ANO6: variants seen among roughly 807,000 people sequenced by gnomAD.
ANO6 encodes the protein anoctamin 6.
Under a neutral mutation model 117.5 loss-of-function variants are expected in ANO6, and 106 were observed. The ratio of observed to expected loss-of-function variants is 0.90; its 90% CI spans 0.77 to 1.06. The LOEUF (loss-of-function observed/expected upper bound fraction) is 1.06, where lower values mean the gene tolerates loss of function less well. Among genes scored for constraint, ANO6 ranks in the 50% least tolerant of loss-of-function variants. The pLI, the probability that ANO6 is intolerant of heterozygous loss-of-function variation, is 0.00. For missense variants in ANO6, 955 were observed against 1,121.1 expected, an observed-to-expected ratio of 0.85 and a Z score of 2.12; for synonymous variants, 367 against 385.1, an observed-to-expected ratio of 0.95 and a Z score of 0.55.
chr12:45,423,615 G>C (rs1943420836), intron 19 of ANO6, among the ~76,000 whole-genome samples: 1 of 152,148 alleles, frequency 6.6e-6, no homozygotes, highest in African/African-American at 2.4e-5. Context: ...GCTTAAATAA[G>C]GTTGATTCCC....
chr12:45,269,103 T>G (rs1348637103), intron 1 of ANO6, among the ~76,000 whole-genome samples: 1 of 152,206 alleles, frequency 6.6e-6, no homozygotes, highest in Non-Finnish European at 1.5e-5. Context: ...TCCCAGGCCC[T>G]CCCTTCTTCT....
At chr12:45,253,851 C>G (rs954623821) in intron 1 of ANO6, among the ~76,000 whole-genome samples, 2 of 152,184 alleles carry the variant, frequency 1.3e-5, no homozygotes, top group African/African-American at 2.4e-5. Context: ...TCAGAACTCT[C>G]CATGTAATAA....
At chr12:45,264,268 G>A (rs1938143155) in intron 1 of ANO6, among the ~76,000 whole-genome samples, 1 of 152,200 alleles carries the variant, frequency 6.6e-6, no homozygotes, top group Non-Finnish European at 1.5e-5. Context: ...TTATTCGAGT[G>A]TTGAATACAT....
At position 45,361,516 on chromosome 12, in the gene ANO6, T is replaced by G. The variant is rs1941554494; in HGVS notation, c.998+4092T>G. Among the ~76,000 whole-genome samples, 5 of 152,106 alleles carry G rather than the reference T, an allele frequency of 3.3e-5. No homozygotes were observed. The South Asian group carries it at 1.0e-3, about 32-fold the overall frequency. ...GTAGTTTTACTTCTTCCTTTCCAAT[T>G]TGGAGGACTTTATTTTTTCTTACCT... On this transcript the variant is annotated intron_variant, in intron 8 of 19. Coordinates refer to ENST00000320560, the MANE Select transcript of ANO6 (RefSeq NM_001025356.3).
At chr12:45,260,809 G>A (rs944667354) in intron 1 of ANO6, among the ~76,000 whole-genome samples, 13 of 151,474 alleles carry the variant, frequency 8.6e-5, no homozygotes, top group South Asian at 2.1e-4. Context: ...TTTAAGAGAC[G>A]GGGTTTCTTG....
In ANO6 at chr12:45,240,196, T is replaced by C. The variant is rs1459935536; in HGVS notation, c.70+23805T>C. 3.3e-5 allele frequency among the ~76,000 whole-genome samples: 5 copies of C among 152,152 alleles called. No individual in the cohort carries two copies. In the South Asian group the frequency reaches 1.0e-3, roughly 32 times the overall value. ...GGTCTCCAAGGACTTGCTTTATGAA[T>C]CTGGGTGCTCCTGTATTGGGTGCGT... is the stretch of plus-strand genomic sequence containing the variant. On this transcript the variant is annotated intron_variant, in intron 1 of 19. Transcript: ENST00000320560.
At chr12:45,227,331 G>T (rs966375482) in intron 1 of ANO6, among the ~76,000 whole-genome samples, 1 of 152,190 alleles carries the variant, frequency 6.6e-6, no homozygotes, top group Non-Finnish European at 1.5e-5. Context: ...GAGGAAAGAT[G>T]AACTTATATA....
In ANO6 at chr12:45,357,397, A is replaced by C; in HGVS notation, c.971A>C (p.Tyr324Ser). 6.2e-7 allele frequency: 1 copy of C among 1,613,840 alleles called. No homozygotes were observed. Among genetic ancestry groups the C allele is most frequent in the Non-Finnish European group, 8.5e-7 (1 of 1,179,990 alleles). ...GGAGTGGCTTGCTTTCTCTATGGATATCTTAATCAAGATAACTGTACATGG... is the reference window on the plus strand; with the variant it reads ...GGAGTGGCTTGCTTTCTCTATGGATCTCTTAATCAAGATAACTGTACATGG... ...VVGVACFLYG[Y>S]LNQDNCTWSK... Residue 324 changes from tyrosine to serine, a missense_variant, in exon 8 of 20, where the codon TAT becomes TCT. Transcript: ENST00000320560.
downstream of ANO6, among the ~76,000 whole-genome samples, chr12:45,436,218 C>T (rs932839894): frequency 6.6e-6 from 1 of 152,168 alleles, no homozygotes; most frequent in Non-Finnish European, 1.5e-5. Context: ...CCCACTTCTG[C>T]TTAGCTGCCT....
intron 3 of ANO6, among the ~76,000 whole-genome samples, chr12:45,343,034 T>C (rs960725995): frequency 2.6e-5 from 4 of 152,004 alleles, no homozygotes; most frequent in African/African-American, 9.7e-5. Flanking sequence ...CCCTTTTCTC[T>C]GTAAGGAAGG....
chr12:45,373,202 A>C (rs1941897606), intron 9 of ANO6, among the ~76,000 whole-genome samples: 1 of 152,194 alleles, frequency 6.6e-6, no homozygotes, highest in African/African-American at 2.4e-5. Context: ...GAGCACCCAG[A>C]TCATAAAGCA....
At chr12:45,405,495 A>G (rs1942909051) in intron 15 of ANO6, among the ~76,000 whole-genome samples, 2 of 152,172 alleles carry the variant, frequency 1.3e-5, no homozygotes, top group African/African-American at 4.8e-5. Context: ...TTCTCCCCCT[A>G]TGTTTTCTTG....
intron 1 of ANO6, among the ~76,000 whole-genome samples, chr12:45,251,212 G>A (rs1342256966): frequency 6.6e-6 from 1 of 152,186 alleles, no homozygotes; most frequent in African/African-American, 2.4e-5. Context: ...ACTAACTAGT[G>A]TCCTTGGATA....
intron 1 of ANO6, among the ~76,000 whole-genome samples, chr12:45,223,992 C>G (rs921466146): frequency 6.6e-6 from 1 of 152,146 alleles, no homozygotes; most frequent in African/African-American, 2.4e-5. Flanking sequence ...TTGAGATACC[C>G]CCAGTTATCT....
At chr12:45,365,741 T>G (rs1480241129) in intron 8 of ANO6, among the ~76,000 whole-genome samples, 2 of 152,274 alleles carry the variant, frequency 1.3e-5, no homozygotes, top group Middle Eastern at 3.4e-3. Context: ...ATCAGTGAGG[T>G]TAACAGGTGT....
At chr12:45,437,601 G>A (rs567712676) in intron 19 of ANO6, among the ~76,000 whole-genome samples, 25 of 151,818 alleles carry the variant, frequency 1.6e-4, no homozygotes, top group Admixed American at 3.3e-4. Context: ...ACAGAGTCTC[G>A]CTCTGTCGCC....
At chr12:45,351,764 A>C (rs978945586) in intron 7 of ANO6, among the ~76,000 whole-genome samples, 2 of 152,202 alleles carry the variant, frequency 1.3e-5, no homozygotes, top group Admixed American at 6.5e-5. Context: ...TGAGAAACAG[A>C]GCAAGACATG....
chr12:45,307,826 A>G (rs1939717915), intron 2 of ANO6, among the ~76,000 whole-genome samples: 1 of 152,086 alleles, frequency 6.6e-6, no homozygotes, highest in African/African-American at 2.4e-5. Context: ...CTTGGAAGCC[A>G]AGTGAAGAAA....
At chr12:45,337,398 C>T (rs1311035165) in intron 3 of ANO6, among the ~76,000 whole-genome samples, 1 of 152,052 alleles carries the variant, frequency 6.6e-6, no homozygotes, top group African/African-American at 2.4e-5. Flanking sequence ...AGCCTGAGAG[C>T]GGCAGGCCAT....
Sources: allele counts gnomAD v4.1 joint callset (sites outside exome capture counted in the v4.1 genomes callset), GRCh38; gene constraint gnomAD v4.1.1; transcripts MANE v1.5; gene names NCBI Gene and HGNC (gene_info 2026-07-23, HGNC 2026-07-21).